Variants in VAT1L observed in about 807,000 individuals in gnomAD.
VAT1L encodes the protein putative NADPH-dependent quinone oxidoreductase VAT1L.
Under a neutral mutation model 44.1 loss-of-function variants are expected in VAT1L, and 34 were observed. That is an observed-to-expected ratio of 0.77 (90% CI 0.59 to 1.03). The LOEUF (loss-of-function observed/expected upper bound fraction) is 1.03. VAT1L is among the 50% of genes least tolerant of loss of function. The pLI, the probability that VAT1L is intolerant of heterozygous loss-of-function variation, is 0.00. For missense variants in VAT1L, 615 were observed against 538.8 expected (o/e 1.14, Z -1.40); for synonymous variants, 253 against 202.2 (o/e 1.25, Z -2.13).
intron 7 of VAT1L, among the ~76,000 whole-genome samples, chr16:77,931,919 T>TTG (rs372858822): frequency 2.2e-4 from 34 of 152,318 alleles, no homozygotes; most frequent in Non-Finnish European, 4.0e-4. Context: ...TGTGAAAACA[T>TTG]TGTATCTTTA....
intron 8 of VAT1L, among the ~76,000 whole-genome samples, chr16:77,972,730 G>A (rs928875320): frequency 3.3e-5 from 5 of 151,888 alleles, no homozygotes; most frequent in African/African-American, 7.3e-5. Flanking sequence ...GCAGTAAGCC[G>A]TGATTGCGTC....
intron 3 of VAT1L, among the ~76,000 whole-genome samples, chr16:77,851,329 T>C (rs538943334): frequency 3.8e-4 from 58 of 152,218 alleles, no homozygotes; most frequent in African/African-American, 1.3e-3. Flanking sequence ...GACCATAACA[T>C]GGAATGATAC....
chr16:77,921,804 C>T (rs889450820), intron 7 of VAT1L, among the ~76,000 whole-genome samples: 4 of 152,106 alleles, frequency 2.6e-5, no homozygotes, highest in African/African-American at 9.7e-5. Flanking sequence ...AGTGCAGTGG[C>T]ACAATGACAG....
At chr16:77,825,124 C>T (rs1418397543) in intron 2 of VAT1L, 122 bp from the exon 3 acceptor site, 1 of 1,036,492 alleles carries the variant, frequency 9.6e-7, no homozygotes, top group East Asian at 2.4e-5. Flanking sequence ...ACCTCAGCCT[C>T]CCAAAGTGCT....
chr16:77,832,189 A>C (rs1212882824), intron 3 of VAT1L, among the ~76,000 whole-genome samples: 1 of 151,902 alleles, frequency 6.6e-6, no homozygotes, highest in East Asian at 1.9e-4. Context: ...GCATTAAGGA[A>C]GTATGGGCAA....
chr16:77,850,238 C>G (rs1244093119), intron 3 of VAT1L, among the ~76,000 whole-genome samples: 1 of 152,162 alleles, frequency 6.6e-6, no homozygotes, highest in Admixed American at 6.5e-5. Flanking sequence ...TCCTAAGCCC[C>G]CACTTTGTGT....
chr16:77,864,311 G>A (rs73577091), intron 4 of VAT1L, among the ~76,000 whole-genome samples: 9,694 of 151,932 alleles, frequency 0.064, 468 homozygotes, highest in African/African-American at 0.13. Flanking sequence ...AAAGAAACAA[G>A]GCTGGGCACA....
chr16:77,978,172 G>C lies in VAT1L; in HGVS notation c.*477G>C, dbSNP rs543165461. The C allele has an allele frequency of 6.4e-6, 1 of 156,648 alleles. No homozygotes were observed. The highest frequency in any genetic ancestry group is 1.4e-5 in the Non-Finnish European group (1 of 70,528). 9.7% of individuals were successfully genotyped at this position (156,648 alleles called of 1,614,324 possible). On this transcript the variant is annotated 3_prime_UTR_variant, in exon 9 of 9. Transcript: ENST00000302536. ...CAATTTGGCCAGCAGAAAGAGAGTA[G>C]GCCGGATGTTTTCATGAGCCCACAA...
intron 7 of VAT1L, among the ~76,000 whole-genome samples, chr16:77,930,055 A>G (rs564941322): frequency 1.3e-5 from 2 of 152,228 alleles, no homozygotes; most frequent in South Asian, 2.1e-4. Context: ...CCCATAGCCC[A>G]TACTCCTTAT....
At position 77,925,497 on chromosome 16, in the gene VAT1L, G is replaced by A. The variant is rs78003952; in HGVS notation, c.1077+40695G>A. The stretch of plus-strand genomic sequence containing the variant: ...TAAAGAGGTCCATATATGCAATGGC[G>A]CTTCAATCAATATTGCTTTTCTCTG... On this transcript the variant is annotated intron_variant, in intron 7 of 8. Coordinates refer to ENST00000302536, the MANE Select transcript of VAT1L (RefSeq NM_020927.3). Among the ~76,000 whole-genome samples the A allele has an allele frequency of 2.8e-4, 42 of 152,228 alleles. No homozygotes were observed. In the East Asian group the frequency reaches 6.0e-3, roughly 22 times the overall value.
rs895379276 is a variant in VAT1L, at chr16:77,979,363, G to A, written c.*1668G>A. On this transcript the variant is annotated 3_prime_UTR_variant, in exon 9 of 9. Coordinates refer to ENST00000302536, the MANE Select transcript of VAT1L (RefSeq NM_020927.3). ...GCATCATCTTTTCTTCGTACTCCAG[G>A]ACCCACCAATATTCCAGTTCTGGGT... 2.0e-5 allele frequency: 3 copies of A among 152,084 alleles called. No individual in the cohort carries two copies. The highest frequency in any genetic ancestry group is 7.2e-5 in the African/African-American group (3 of 41,396). The allele number at this position is 152,084 out of a possible 1,614,324, so 9.4% of individuals were successfully genotyped here.
chr16:77,874,950 C>T (rs1323881601), intron 4 of VAT1L, among the ~76,000 whole-genome samples: 4 of 150,904 alleles, frequency 2.7e-5, no homozygotes, highest in East Asian at 3.9e-4. Flanking sequence ...CACCTGGAAA[C>T]GTTAGAAATG....
chr16:77,892,515 C>A (rs1430322091), intron 7 of VAT1L: 2 of 562,178 alleles, frequency 3.6e-6, no homozygotes, highest in East Asian at 9.5e-5. Flanking sequence ...TTTCCAAAGA[C>A]AGCAGAAAAA....
intron 4 of VAT1L, among the ~76,000 whole-genome samples, chr16:77,867,275 G>C (rs1403705921): frequency 1.3e-5 from 2 of 151,902 alleles, no homozygotes; most frequent in Non-Finnish European, 1.5e-5. Flanking sequence ...CGGTGATGAG[G>C]GTTTCACAGG....
At chr16:77,952,399 C>T (rs1469130472) in intron 7 of VAT1L, among the ~76,000 whole-genome samples, 1 of 152,104 alleles carries the variant, frequency 6.6e-6, no homozygotes, top group Non-Finnish European at 1.5e-5. Context: ...GGCTCTTGCT[C>T]AGAGTTCACA....
intron 7 of VAT1L, among the ~76,000 whole-genome samples, chr16:77,903,846 C>T (rs113455102): frequency 1.3e-5 from 2 of 151,114 alleles, no homozygotes; most frequent in African/African-American, 2.4e-5. Context: ...ATGCCATTCT[C>T]CTGCCTCAGC....
chr16:77,799,070 G>C (rs569390500), intron 1 of VAT1L, among the ~76,000 whole-genome samples: 3 of 151,836 alleles, frequency 2.0e-5, no homozygotes, highest in Non-Finnish European at 4.4e-5. Flanking sequence ...TGCAGCTGCC[G>C]TGTGAAAATT....
At chr16:77,876,153 C>A (rs990551080) in intron 4 of VAT1L, among the ~76,000 whole-genome samples, 1 of 152,218 alleles carries the variant, frequency 6.6e-6, no homozygotes, top group African/African-American at 2.4e-5. Flanking sequence ...GCAGCTACCA[C>A]CCAGACTCTT....
intron 7 of VAT1L, among the ~76,000 whole-genome samples, chr16:77,948,443 C>T (rs773716206): frequency 3.9e-5 from 6 of 152,310 alleles, no homozygotes; most frequent in South Asian, 4.1e-4. Context: ...CTTAGCAATA[C>T]GGTGTCACAG....
Sources: allele counts gnomAD v4.1 joint callset (sites outside exome capture counted in the v4.1 genomes callset), GRCh38; gene constraint gnomAD v4.1.1; transcripts MANE v1.5; gene names NCBI Gene and HGNC (gene_info 2026-07-23, HGNC 2026-07-21).